TARBP1: variants seen among roughly 807,000 people sequenced by gnomAD.
The protein encoded by TARBP1 is tRNA (guanosine(18)-2'-O)-methyltransferase TARBP1.
Under a neutral mutation model 178.6 loss-of-function variants are expected in TARBP1, and 144 were observed. That is an observed-to-expected ratio of 0.81 (90% CI 0.70 to 0.93). The LOEUF is 0.93. TARBP1 is among the 40% of genes least tolerant of loss of function. The pLI is 0.00. For missense variants in TARBP1, 2,067 were observed against 2,011.7 expected (o/e 1.03, Z -0.53); for synonymous variants, 787 against 781.0 (o/e 1.01, Z -0.13).
intron 14 of TARBP1, among the ~76,000 whole-genome samples, chr1:234,432,593 T>C (rs1362190979): frequency 3.9e-5 from 6 of 152,048 alleles, no homozygotes; most frequent in Admixed American, 2.0e-4. Flanking sequence ...AGAAAAGAGA[T>C]TCCAGTTGGT....
chr1:234,471,936 G>A (rs1426135156), intron 2 of TARBP1, among the ~76,000 whole-genome samples: 1 of 152,170 alleles, frequency 6.6e-6, no homozygotes, highest in Non-Finnish European at 1.5e-5. Flanking sequence ...TGACTCCACA[G>A]ATGGCTGGCA....
chr1:234,471,142 G>A (rs1265048161), intron 3 of TARBP1, 46 bp downstream of exon 3: 2 of 1,412,566 alleles, frequency 1.4e-6, no homozygotes, highest in Non-Finnish European at 9.7e-7. Flanking sequence ...AAAATCAGGG[G>A]AAAACCATAA....
chr1:234,425,734 TC>T lies in TARBP1; in HGVS notation c.3382del (p.Asp1128MetfsTer19). ...CAACTTGTGGGACATATTGGAGCCA[TC>T]TAATAAACACAGGAATTTGACAGCA... ...ICAVKFLCLL[D>X]GSNMSHKLFI... On this transcript the variant is annotated frameshift_variant, in exon 20 of 30. Coordinates refer to ENST00000040877, the MANE Select transcript of TARBP1 (RefSeq NM_005646.4). LOFTEE classifies it high-confidence loss of function. 1 of 1,610,722 alleles carries T rather than the reference TC, an allele frequency of 6.2e-7. No individual in the cohort carries two copies. Among genetic ancestry groups the T allele is most frequent in the Non-Finnish European group, 8.5e-7 (1 of 1,177,376 alleles).
intron 3 of TARBP1, among the ~76,000 whole-genome samples, chr1:234,468,759 C>G (rs1395785541): frequency 1.3e-5 from 2 of 152,032 alleles, no homozygotes; most frequent in African/African-American, 4.8e-5. Flanking sequence ...TCTGCTGCAG[C>G]CCTGCTGGTC....
At chr1:234,439,966 T>C (rs953765853) in intron 12 of TARBP1, among the ~76,000 whole-genome samples, 2 of 152,172 alleles carry the variant, frequency 1.3e-5, no homozygotes, top group East Asian at 3.8e-4. Flanking sequence ...CCAGAGTACA[T>C]GAAACATTCA....
chr1:234,405,668 A>G lies in TARBP1; in HGVS notation c.3989+235T>C, dbSNP rs543637831. 1.2e-4 allele frequency among the ~76,000 whole-genome samples: 18 copies of G among 152,322 alleles called. No individual in the cohort carries two copies. The South Asian group carries it at 3.7e-3, about 32-fold the overall frequency. ...AAGTATGTAGAAGATTATTTGTACA[A>G]TAAAGGATTGAGGATAAAAGGGCAA... On this transcript the variant is annotated intron_variant, in intron 24 of 29. Transcript: ENST00000040877.
chr1:234,463,251 G>A (rs1668081689), intron 6 of TARBP1, among the ~76,000 whole-genome samples: 1 of 152,066 alleles, frequency 6.6e-6, no homozygotes, highest in Admixed American at 6.6e-5. Flanking sequence ...AGCCTCCCAA[G>A]TAGCTGGGAC....
chr1:234,391,413 A>G lies in TARBP1; in HGVS notation c.*164T>C. The G allele has an allele frequency of 1.9e-6, 1 of 526,130 alleles. No individual in the cohort carries two copies. Among genetic ancestry groups the G allele is most frequent in the East Asian group, 3.3e-5 (1 of 30,662 alleles). 32.6% of individuals were successfully genotyped at this position (526,130 alleles called of 1,614,324 possible). ...CAAAAAGTGTTTATTAAAGGGGAAA[A>G]TATATAGTAATATGTTTAAGGCACA... On this transcript the variant is annotated 3_prime_UTR_variant, in exon 30 of 30. Transcript: ENST00000040877.
At chr1:234,442,223 C>A (rs1159138974) in intron 12 of TARBP1, among the ~76,000 whole-genome samples, 2 of 152,080 alleles carry the variant, frequency 1.3e-5, no homozygotes, top group Non-Finnish European at 2.9e-5. Context: ...ATCCATAAAA[C>A]AAAACAAAAA....
chr1:234,451,944 T>C (rs1427886318), intron 9 of TARBP1, among the ~76,000 whole-genome samples: 2 of 152,126 alleles, frequency 1.3e-5, no homozygotes, highest in South Asian at 2.1e-4. Context: ...TTTAACAGTA[T>C]ACACTTTTCT....
intron 6 of TARBP1, among the ~76,000 whole-genome samples, chr1:234,461,937 T>C (rs1170465590): frequency 6.6e-6 from 1 of 152,190 alleles, no homozygotes; most frequent in Non-Finnish European, 1.5e-5. Flanking sequence ...TAAAAGGATA[T>C]TACGCGGACT....
rs376374632 is a variant in TARBP1, at chr1:234,437,535, C to G, written c.2135-163G>C. Among the ~76,000 whole-genome samples the G allele has an allele frequency of 1.2e-3, 178 of 152,314 alleles. 2 individuals are homozygous for G. The highest frequency in any genetic ancestry group is 4.1e-3 in the African/African-American group (169 of 41,572). Reference sequence around the variant, plus strand: ...CATTCACCCCATGGGGAAAGCTATACTTAATCTTAAGTCACTTAGGAGTTC... The same window carrying G: ...CATTCACCCCATGGGGAAAGCTATAGTTAATCTTAAGTCACTTAGGAGTTC... On this transcript the variant is annotated intron_variant, in intron 12 of 29. Transcript: ENST00000040877.
Position 234,427,405 on chromosome 1 carries a change from T to C in TARBP1, c.3252-17A>G. ...TGAACAAGTCTTTCCATAAAAAACA[T>C]TTGATAAAGAACAACAGGTTTTAAA... On this transcript the variant is annotated splice_polypyrimidine_tract_variant and intron_variant, in intron 18 of 29. Coordinates refer to ENST00000040877, the MANE Select transcript of TARBP1 (RefSeq NM_005646.4). The C allele has an allele frequency of 1.3e-6, 2 of 1,595,178 alleles. No individual in the cohort carries two copies. Among genetic ancestry groups the C allele is most frequent in the Non-Finnish European group, 1.7e-6 (2 of 1,171,240 alleles).
chr1:234,450,661 A>G, intron 9 of TARBP1, 95 bp from the exon 10 acceptor site: 1 of 1,355,356 alleles, frequency 7.4e-7, no homozygotes, highest in South Asian at 1.4e-5. Flanking sequence ...TTCACGATAA[A>G]CCAAATTTAA....
intron 21 of TARBP1, among the ~76,000 whole-genome samples, chr1:234,420,463 GA>G (rs1393692561): frequency 2.6e-5 from 4 of 151,954 alleles, no homozygotes; most frequent in African/African-American, 9.7e-5. Context: ...ACACCGAAGG[GA>G]AAAAAATATT....
intron 24 of TARBP1, among the ~76,000 whole-genome samples, chr1:234,401,570 A>G (rs1660678451): frequency 6.6e-6 from 1 of 152,224 alleles, no homozygotes; most frequent in Admixed American, 6.5e-5. Flanking sequence ...CATGCAGCCA[A>G]GTTGTACCTA....
chr1:234,411,625 T>C (rs562881298), intron 22 of TARBP1, among the ~76,000 whole-genome samples: 13 of 152,178 alleles, frequency 8.5e-5, no homozygotes, highest in Non-Finnish European at 1.9e-4. Flanking sequence ...AATGGAATCA[T>C]ACTGTAGAGG....
In TARBP1 at chr1:234,478,796, G is replaced by A. The variant is rs1669841364; in HGVS notation, c.308C>T (p.Ala103Val). ...GGCCAGGCGGACGCACGAGCGCAGG[G>A]CCGCGCCCGCCGCCCTCAGCACGCG... ...RRRVLRAAGAALRSCVRLAGR... is the reference protein window; with the variant it reads ...RRRVLRAAGAVLRSCVRLAGR... The change falls in exon 1 of 30, where the codon GCC becomes GTC. Residue 103 changes from alanine to valine, a missense_variant. Ala to Val is a moderately conservative substitution (Grantham distance 64). Transcript: ENST00000040877. 2 of 1,111,104 alleles carry A rather than the reference G, an allele frequency of 1.8e-6. No homozygotes were observed. The highest frequency in any genetic ancestry group is 2.2e-6 in the Non-Finnish European group (2 of 914,856). 68.8% of individuals were successfully genotyped at this position (1,111,104 alleles called of 1,614,324 possible).
chr1:234,453,920 C>A (rs935050644), intron 9 of TARBP1, among the ~76,000 whole-genome samples: 1 of 152,070 alleles, frequency 6.6e-6, no homozygotes, highest in South Asian at 2.1e-4. Context: ...GACTCCAGGA[C>A]ATTAGGAGAC....
Sources: gnomAD v4.1 joint callset for allele counts (sites outside exome capture counted in the v4.1 genomes callset) on GRCh38, gnomAD v4.1.1 for gene constraint, MANE v1.5 for transcripts, NCBI Gene and HGNC (gene_info 2026-07-23, HGNC 2026-07-21) for gene names.